PTPRD: variants seen among roughly 807,000 people sequenced by gnomAD.
PTPRD encodes the protein receptor-type tyrosine-protein phosphatase delta.
Under a neutral mutation model 214.5 loss-of-function variants are expected in PTPRD, and 34 were observed. The observed-to-expected ratio is 0.16, with a 90% confidence interval of 0.12 to 0.21. The LOEUF is 0.21. Ranked by LOEUF, PTPRD falls within the 10% of genes least tolerant of loss-of-function variation. The probability of loss-of-function intolerance (pLI) is 1.00; values close to 1 mark genes in which losing one functional copy is unlikely to be tolerated. For missense variants in PTPRD, 2,545 were observed against 2,398.7 expected (o/e 1.06, Z -1.27); for synonymous variants, 1,128 against 845.7 (o/e 1.33, Z -5.79).
chr9:9,521,844 A>G (rs1254308149), intron 8 of PTPRD, among the ~76,000 whole-genome samples: 1 of 152,116 alleles, frequency 6.6e-6, no homozygotes, highest in Non-Finnish European at 1.5e-5. Context: ...TTGGGGGCTT[A>G]TAAATACTAC....
At chr9:9,420,591 A>T (rs2078411229) in intron 8 of PTPRD, among the ~76,000 whole-genome samples, 1 of 152,082 alleles carries the variant, frequency 6.6e-6, no homozygotes, top group African/African-American at 2.4e-5. Flanking sequence ...AGTTATACAA[A>T]TATGTGTGTG....
At chr9:9,601,157 G>A (rs1443738403) in intron 7 of PTPRD, among the ~76,000 whole-genome samples, 3 of 149,034 alleles carry the variant, frequency 2.0e-5, no homozygotes, top group Non-Finnish European at 3.0e-5. Flanking sequence ...GTGTATGGGG[G>A]GGGGAGAGTG....
intron 5 of PTPRD, among the ~76,000 whole-genome samples, chr9:9,934,789 ACCAATAT>A (rs1258333360): frequency 6.6e-6 from 1 of 151,938 alleles, no homozygotes; most frequent in African/African-American, 2.4e-5. Flanking sequence ...AGAATTTTAG[ACCAATAT>A]CCTTGATGAA....
intron 34 of PTPRD, among the ~76,000 whole-genome samples, chr9:8,439,598 G>T (rs550750791): frequency 6.6e-6 from 1 of 152,078 alleles, no homozygotes; most frequent in African/African-American, 2.4e-5. Flanking sequence ...AGAAAAGACC[G>T]AATGTCGGCA....
At chr9:10,515,055 C>T (rs1054942080) in intron 2 of PTPRD, among the ~76,000 whole-genome samples, 3 of 151,868 alleles carry the variant, frequency 2.0e-5, no homozygotes, top group African/African-American at 4.8e-5. Context: ...TAAAAATTGA[C>T]AAAATAAGAA....
chr9:10,032,860 TA>T (rs911984477), intron 4 of PTPRD, among the ~76,000 whole-genome samples: 2 of 152,038 alleles, frequency 1.3e-5, no homozygotes, highest in Admixed American at 1.3e-4. Flanking sequence ...TACTATTATT[TA>T]TCTATAAAGA....
intron 5 of PTPRD, among the ~76,000 whole-genome samples, chr9:9,866,716 C>A (rs1021138221): frequency 6.6e-6 from 1 of 151,988 alleles, no homozygotes; most frequent in Admixed American, 6.6e-5. Flanking sequence ...TGTGAATACG[C>A]CCTTGTGGAA....
intron 6 of PTPRD, among the ~76,000 whole-genome samples, chr9:9,762,683 C>G (rs1436501499): frequency 6.6e-6 from 1 of 152,206 alleles, no homozygotes; most frequent in Non-Finnish European, 1.5e-5. Flanking sequence ...ATCCTCATTT[C>G]TACATAAGAC....
intron 3 of PTPRD, among the ~76,000 whole-genome samples, chr9:10,132,472 C>A (rs1285771850): frequency 6.6e-6 from 1 of 151,800 alleles, no homozygotes; most frequent in African/African-American, 2.4e-5. Context: ...TGAGGAGATC[C>A]AAATATACTG....
At chr9:10,239,400 G>C (rs2099639558) in intron 3 of PTPRD, among the ~76,000 whole-genome samples, 1 of 151,894 alleles carries the variant, frequency 6.6e-6, no homozygotes, top group South Asian at 2.1e-4. Context: ...TTCATAGTAA[G>C]ATTTCCCAAG....
At chr9:8,979,346 A>G (rs1014924673) in intron 11 of PTPRD, among the ~76,000 whole-genome samples, 1 of 152,082 alleles carries the variant, frequency 6.6e-6, no homozygotes, top group African/African-American at 2.4e-5. Context: ...TTTTTTTTGG[A>G]TATCACACCA....
chr9:8,811,017 A>C (rs934852631), intron 11 of PTPRD, among the ~76,000 whole-genome samples: 22 of 152,214 alleles, frequency 1.4e-4, no homozygotes, highest in African/African-American at 4.8e-4. Context: ...AACAGAAAGG[A>C]AACAACTGTG....
intron 4 of PTPRD, among the ~76,000 whole-genome samples, chr9:9,975,995 A>T (rs2095337669): frequency 6.6e-6 from 1 of 152,174 alleles, no homozygotes; most frequent in African/African-American, 2.4e-5. Context: ...GGTCATTATC[A>T]GCTTTGGATA....
At chr9:9,966,754 C>T (rs2094731034) in intron 4 of PTPRD, among the ~76,000 whole-genome samples, 1 of 152,002 alleles carries the variant, frequency 6.6e-6, no homozygotes, top group African/African-American at 2.4e-5. Flanking sequence ...CCTGAGGAAT[C>T]AAGGAGACAG....
intron 9 of PTPRD, among the ~76,000 whole-genome samples, chr9:9,221,433 A>G (rs1321449657): frequency 6.6e-6 from 1 of 152,098 alleles, no homozygotes; most frequent in Non-Finnish European, 1.5e-5. Flanking sequence ...ACAACATAAT[A>G]TCATAGACTG....
intron 10 of PTPRD, among the ~76,000 whole-genome samples, chr9:9,104,779 G>T (rs1009737207): frequency 3.9e-5 from 6 of 151,968 alleles, no homozygotes; most frequent in African/African-American, 1.2e-4. Context: ...TCATTCTATC[G>T]CTCCACATTC....
rs1349700687 is a variant in PTPRD, at chr9:9,478,976, T to C, written c.-236-81494A>G. 1.3e-5 allele frequency among the ~76,000 whole-genome samples: 2 copies of C among 152,100 alleles called. 1 individual carries two copies. Among genetic ancestry groups the C allele is most frequent in the Non-Finnish European group, 2.9e-5 (2 of 68,016 alleles). ...ATGGCCTAAAATATGAATAATTACA[T>C]CATAACACATAATACACAGGCTAAT... On this transcript the variant is annotated intron_variant, in intron 8 of 45. Coordinates refer to ENST00000381196, the MANE Select transcript of PTPRD (RefSeq NM_002839.4).
chr9:9,290,210 T>C (rs750131513), intron 9 of PTPRD, among the ~76,000 whole-genome samples: 4 of 151,786 alleles, frequency 2.6e-5, no homozygotes, highest in Non-Finnish European at 4.4e-5. Flanking sequence ...TGAGGATTAG[T>C]TATGTTGAAC....
intron 11 of PTPRD, among the ~76,000 whole-genome samples, chr9:8,836,587 C>CCTTT (rs2097427566): frequency 1.5e-5 from 1 of 66,800 alleles, no homozygotes; most frequent in Non-Finnish European, 2.6e-5. Context: ...TAATAAAAAC[C>CCTTT]TTTTTTTTTT....
Sources: gnomAD v4.1 joint callset for allele counts (sites outside exome capture counted in the v4.1 genomes callset) on GRCh38, gnomAD v4.1.1 for gene constraint, MANE v1.5 for transcripts, NCBI Gene and HGNC (gene_info 2026-07-23, HGNC 2026-07-21) for gene names.